Variants in TP63 observed in about 807,000 individuals in gnomAD.
The protein encoded by TP63 is tumor protein p63, also known as tumor protein 63.
Under a neutral mutation model 82.8 loss-of-function variants are expected in TP63, and 17 were observed. That is an observed-to-expected ratio of 0.21 (90% CI 0.14 to 0.31). The LOEUF (loss-of-function observed/expected upper bound fraction) is 0.31, where lower values mean the gene tolerates loss of function less well. Ranked by LOEUF, TP63 falls within the 10% of genes least tolerant of loss-of-function variation. The pLI is 1.00. For missense variants in TP63, 648 were observed against 895.3 expected (o/e 0.72, Z 3.52); for synonymous variants, 330 against 321.7 (o/e 1.03, Z -0.28).
In TP63 at chr3:189,858,371, A is replaced by C. The variant is rs1458492966; in HGVS notation, c.580-5861A>C. ...CAGTGAGCCGAGATTGCGCCACTGC[A>C]CTCCAGCCTGGGCGACAGCGAGACT... is the stretch of plus-strand genomic sequence containing the variant. On this transcript the variant is annotated intron_variant, in intron 4 of 13. Transcript: ENST00000264731. Among the ~76,000 whole-genome samples the C allele has an allele frequency of 1.7e-5, 2 of 120,586 alleles. 1 individual carries two copies. Among genetic ancestry groups the C allele is most frequent in the Non-Finnish European group, 3.4e-5 (2 of 58,686 alleles). 79.1% of individuals were successfully genotyped at this position (120,586 alleles called of 152,430 possible).
At chr3:189,710,705 G>C (rs1216576254) in intron 1 of TP63, among the ~76,000 whole-genome samples, 1 of 152,136 alleles carries the variant, frequency 6.6e-6, no homozygotes, top group African/African-American at 2.4e-5. Flanking sequence ...TGAAGGTTGA[G>C]CTAGAGGAGG....
At chr3:189,721,914 C>A (rs1316255121) in intron 1 of TP63, among the ~76,000 whole-genome samples, 2 of 152,096 alleles carry the variant, frequency 1.3e-5, no homozygotes, top group Non-Finnish European at 2.9e-5. Context: ...TTTAAGCATC[C>A]CAGATATTCT....
At chr3:189,845,468 A>G (rs1034270701) in intron 4 of TP63, among the ~76,000 whole-genome samples, 3 of 152,162 alleles carry the variant, frequency 2.0e-5, no homozygotes, top group African/African-American at 7.2e-5. Flanking sequence ...GCTTAAAGTT[A>G]CAGTTCCCAA....
chr3:189,782,957 T>C (rs1724337664), intron 3 of TP63, among the ~76,000 whole-genome samples: 1 of 152,084 alleles, frequency 6.6e-6, no homozygotes, highest in Non-Finnish European at 1.5e-5. Flanking sequence ...CATAAACAGG[T>C]ATACTGTTTG....
At chr3:189,742,158 G>A (rs140468705) in intron 3 of TP63, among the ~76,000 whole-genome samples, 66 of 147,290 alleles carry the variant, frequency 4.5e-4, no homozygotes, top group Admixed American at 2.7e-3. Flanking sequence ...CAGGAGAATC[G>A]CTTGAGCCTG....
rs886039442 is a variant in TP63, at chr3:189,867,906, G to A, written c.956G>A (p.Arg319His). The change falls in exon 7 of 14, where the codon CGT becomes CAT. Residue 319 changes from arginine to histidine, a missense_variant. Transcript: ENST00000264731. ...NSSCVGGMNRRPILIIVTLET... is the reference protein window; with the variant it reads ...NSSCVGGMNRHPILIIVTLET... ...AGTTGTGTTGGAGGGATGAACCGCC[G>A]TCCAATTTTAATCATTGTTACTCTG... 1 of 1,614,012 alleles carries A rather than the reference G, an allele frequency of 6.2e-7. No homozygotes were observed. Among genetic ancestry groups the A allele is most frequent in the Non-Finnish European group, 8.5e-7 (1 of 1,179,952 alleles).
intron 3 of TP63, among the ~76,000 whole-genome samples, chr3:189,804,040 C>T (rs768290983): frequency 1.2e-4 from 19 of 152,130 alleles, no homozygotes; most frequent in African/African-American, 3.4e-4. Context: ...ATTTCAGATA[C>T]GCCAATAACT....
At chr3:189,686,163 A>G (rs548846234) in intron 1 of TP63, among the ~76,000 whole-genome samples, 15 of 152,324 alleles carry the variant, frequency 9.8e-5, no homozygotes, top group African/African-American at 3.1e-4. Context: ...GAAAGCACAG[A>G]GGAATGTGTA....
intron 1 of TP63, among the ~76,000 whole-genome samples, chr3:189,634,105 G>A (rs1729620725): frequency 6.6e-6 from 1 of 152,040 alleles, no homozygotes; most frequent in African/African-American, 2.4e-5. Context: ...TACCTCATGA[G>A]TAAATGGGTT....
At chr3:189,661,110 T>C (rs1054787573) in intron 1 of TP63, among the ~76,000 whole-genome samples, 2 of 152,048 alleles carry the variant, frequency 1.3e-5, no homozygotes, top group African/African-American at 4.8e-5. Flanking sequence ...AGTATTAGGT[T>C]GAATAGAAGT....
intron 3 of TP63, among the ~76,000 whole-genome samples, chr3:189,805,607 G>A (rs1458279109): frequency 6.6e-6 from 1 of 152,238 alleles, no homozygotes; most frequent in African/African-American, 2.4e-5. Context: ...CAGCCTGGGA[G>A]GCCTTCGGCC....
chr3:189,631,683 G>T, intron 1 of TP63, 106 bp downstream of exon 1: 1 of 1,597,744 alleles, frequency 6.3e-7, no homozygotes. Context: ...TGTTTAGTCA[G>T]CACAGTGATA....
intron 10 of TP63, among the ~76,000 whole-genome samples, chr3:189,882,351 C>T (rs955648641): frequency 1.3e-5 from 2 of 151,972 alleles, no homozygotes; most frequent in Admixed American, 6.6e-5. Context: ...AGAATAAATG[C>T]TGCACTGTCT....
At chr3:189,832,765 A>G (rs181211665) in intron 4 of TP63, among the ~76,000 whole-genome samples, 19 of 152,346 alleles carry the variant, frequency 1.2e-4, no homozygotes, top group Admixed American at 5.2e-4. Context: ...GTTCTCCAGG[A>G]TGGAGGATTA....
intron 3 of TP63, among the ~76,000 whole-genome samples, chr3:189,757,879 A>T (rs971276582): frequency 1.3e-5 from 2 of 152,080 alleles, no homozygotes; most frequent in African/African-American, 4.8e-5. Flanking sequence ...AGATAGAAAA[A>T]AAACCTTAAA....
chr3:189,812,083 T>C (rs546992948), intron 4 of TP63, among the ~76,000 whole-genome samples: 2 of 152,340 alleles, frequency 1.3e-5, no homozygotes, highest in African/African-American at 4.8e-5. Flanking sequence ...CGCATAGTCT[T>C]CTGGTAATTC....
At position 189,875,589 on chromosome 3, in the gene TP63, C is replaced by CATATAT. The variant is rs779050433; in HGVS notation, c.1349+2597_1349+2598insTATATA. 7.3e-3 allele frequency among the ~76,000 whole-genome samples: 323 copies of CATATAT among 44,320 alleles called. 8 individuals are homozygous for CATATAT. The highest frequency in any genetic ancestry group is 8.3e-3 in the Non-Finnish European group (206 of 24,838). 29.1% of individuals were successfully genotyped at this position (44,320 alleles called of 152,430 possible). A position where few individuals can be genotyped will look rare whatever the true frequency, so the allele number is the denominator to read the frequency against. Reference sequence around the variant, plus strand: ...TCAAAAAGAAAAAGAAAAAAAAATACATACATATATATATATATATATATA... The same window carrying CATATAT: ...TCAAAAAGAAAAAGAAAAAAAAATACATATATATACATATATATATATATATATATA... On this transcript the variant is annotated intron_variant, in intron 10 of 13. Coordinates refer to ENST00000264731, the MANE Select transcript of TP63 (RefSeq NM_003722.5).
chr3:189,874,356 G>A (rs1718784895), intron 10 of TP63, among the ~76,000 whole-genome samples: 1 of 152,198 alleles, frequency 6.6e-6, no homozygotes, highest in South Asian at 2.1e-4. Flanking sequence ...ACAGGTGTGG[G>A]CCACCGTGCC....
intron 7 of TP63, 146 bp downstream of exon 7, chr3:189,868,088 A>G: frequency 1.3e-6 from 1 of 756,034 alleles, no homozygotes; most frequent in Non-Finnish European, 2.3e-6. Flanking sequence ...AAACGGTTAC[A>G]TAAAAGATCT....
Sources: allele counts gnomAD v4.1 joint callset (sites outside exome capture counted in the v4.1 genomes callset), GRCh38; gene constraint gnomAD v4.1.1; transcripts MANE v1.5; gene names NCBI Gene and HGNC (gene_info 2026-07-23, HGNC 2026-07-21).